The following DPP6 variants were observed in gnomAD, a reference collection of about 807,000 sequenced individuals.
DPP6 encodes the protein dipeptidyl peptidase like 6.
A neutral mutation model predicts 122.6 loss-of-function variants in DPP6; 69 were observed. That is an observed-to-expected ratio of 0.56 (90% CI 0.46 to 0.69). DPP6 has a LOEUF of 0.69. Among genes scored for constraint, DPP6 ranks in the 30% least tolerant of loss-of-function variants. The pLI is 0.00. For synonymous variants in DPP6, 418 were observed against 433.1 expected (o/e 0.97, Z 0.43); for missense variants, 928 against 1,116.9 (o/e 0.83, Z 2.41).
intron 1 of DPP6, among the ~76,000 whole-genome samples, chr7:154,182,150 C>G (rs922063234): frequency 1.3e-5 from 2 of 152,100 alleles, no homozygotes; most frequent in Admixed American, 6.6e-5. Flanking sequence ...GATGAACAAG[C>G]TGAACTTCTC....
chr7:154,393,816 C>G (rs529728817), intron 1 of DPP6, among the ~76,000 whole-genome samples: 5 of 152,226 alleles, frequency 3.3e-5, no homozygotes, highest in African/African-American at 1.2e-4. Flanking sequence ...CTCCCTCCCC[C>G]AATCGCTAGC....
Position 154,577,110 on chromosome 7 carries a change from C to T in DPP6, c.627+10194C>T, listed in dbSNP as rs942115078. 4.0e-5 allele frequency among the ~76,000 whole-genome samples: 6 copies of T among 151,792 alleles called. 1 individual carries two copies. In the East Asian group the frequency reaches 7.8e-4, roughly 20 times the overall value. On this transcript the variant is annotated intron_variant, in intron 5 of 25. Coordinates refer to ENST00000377770, the MANE Select transcript of DPP6 (RefSeq NM_130797.4). ...CAAGGGCTGACAGGTTTGAACAAGG[C>T]GTAGTTTGGGGGAGGATGACCTGGA... is the stretch of plus-strand genomic sequence containing the variant.
intron 1 of DPP6, among the ~76,000 whole-genome samples, chr7:154,234,863 C>CA (rs1284524951): frequency 3.3e-5 from 5 of 152,162 alleles, no homozygotes; most frequent in African/African-American, 1.2e-4. Context: ...CTTCCCACCT[C>CA]ACACAGCCCC....
the DPP6 span, among the ~76,000 whole-genome samples, chr7:153,861,515 G>A: frequency 1.9e-4 from 29 of 152,134 alleles, no homozygotes; most frequent in African/African-American, 7.0e-4. Context: ...AATAGGAGTG[G>A]GAGAACAAAG....
chr7:153,755,544 G>T, the DPP6 span, among the ~76,000 whole-genome samples: 2 of 150,814 alleles, frequency 1.3e-5, no homozygotes, highest in African/African-American at 4.9e-5. Flanking sequence ...CTACTTTAAT[G>T]CTCTCCCTTT....
chr7:154,425,623 T>G (rs866799780), intron 1 of DPP6, among the ~76,000 whole-genome samples: 90 of 116,574 alleles, frequency 7.7e-4, no homozygotes, highest in East Asian at 4.9e-3. Flanking sequence ...TGTGTGTGGG[T>G]GTGTGTGTGT....
chr7:154,673,656 A>T (rs1034703180), intron 7 of DPP6, among the ~76,000 whole-genome samples: 2 of 152,216 alleles, frequency 1.3e-5, no homozygotes, highest in African/African-American at 4.8e-5. Flanking sequence ...TGATCTAGGA[A>T]ATAGACTTGG....
the DPP6 span, among the ~76,000 whole-genome samples, chr7:153,785,370 C>T: frequency 1.3e-5 from 2 of 152,152 alleles, no homozygotes; most frequent in Admixed American, 1.3e-4. Context: ...TTGTCCAGAA[C>T]AGGGTCTGGC....
chr7:154,020,462 AG>A (rs1319320820), intron 1 of DPP6, among the ~76,000 whole-genome samples: 4 of 151,864 alleles, frequency 2.6e-5, no homozygotes, highest in Non-Finnish European at 5.9e-5. Flanking sequence ...GAACATTAAA[AG>A]ATTAGCCTAG....
chr7:154,345,318 C>A (rs976683871), intron 1 of DPP6, among the ~76,000 whole-genome samples: 1 of 152,174 alleles, frequency 6.6e-6, no homozygotes, highest in Non-Finnish European at 1.5e-5. Flanking sequence ...CCACCTGATA[C>A]CATCCCACTA....
At position 154,823,911 on chromosome 7, in the gene DPP6, C is replaced by T. The variant is rs547057954; in HGVS notation, c.1666+16799C>T. Among the ~76,000 whole-genome samples, 18 of 152,242 alleles carry T rather than the reference C, an allele frequency of 1.2e-4. No homozygotes were observed. The East Asian group carries it at 1.4e-3, about 11-fold the overall frequency. ...GGTGCTGATGGTAATAATAAAAAACCGAATGCATGGAGAGATACTGAAGTG... is the reference window on the plus strand; with the variant it reads ...GGTGCTGATGGTAATAATAAAAAACTGAATGCATGGAGAGATACTGAAGTG... On this transcript the variant is annotated intron_variant, in intron 16 of 25. Transcript: ENST00000377770.
intron 5 of DPP6, among the ~76,000 whole-genome samples, chr7:154,627,383 A>G (rs1835153448): frequency 6.6e-6 from 1 of 151,052 alleles, no homozygotes; most frequent in Non-Finnish European, 1.5e-5. Context: ...TATTTTTAGT[A>G]GAGACGGGGT....
intron 1 of DPP6, among the ~76,000 whole-genome samples, chr7:154,201,838 A>C (rs7778405): frequency 0.023 from 3,471 of 152,330 alleles, 134 homozygotes; most frequent in African/African-American, 0.078. Flanking sequence ...CATGTCCTGA[A>C]ACCATCACTT....
At chr7:154,064,925 A>T (rs1464785113) in intron 1 of DPP6, among the ~76,000 whole-genome samples, 1 of 152,146 alleles carries the variant, frequency 6.6e-6, no homozygotes, top group Non-Finnish European at 1.5e-5. Context: ...CATTAGGACA[A>T]AGTGGTTCTG....
At chr7:154,557,102 G>A (rs1464390340) in intron 4 of DPP6, among the ~76,000 whole-genome samples, 4 of 152,248 alleles carry the variant, frequency 2.6e-5, no homozygotes, top group African/African-American at 4.8e-5. Flanking sequence ...CGACCAAGAC[G>A]GGAAGTTTGT....
intron 1 of DPP6, among the ~76,000 whole-genome samples, chr7:153,987,142 AC>A (rs1796886503): frequency 6.6e-6 from 1 of 152,184 alleles, no homozygotes; most frequent in South Asian, 2.1e-4. Flanking sequence ...AAGATTTTAC[AC>A]CCCTGAGTTT....
intron 16 of DPP6, among the ~76,000 whole-genome samples, chr7:154,829,219 C>A (rs1440959770): frequency 2.0e-5 from 3 of 150,818 alleles, no homozygotes; most frequent in African/African-American, 7.3e-5. Flanking sequence ...CATGTCTCTA[C>A]AAAAAATACA....
At chr7:153,927,793 T>C (rs1414181678) in intron 1 of DPP6, among the ~76,000 whole-genome samples, 1 of 152,162 alleles carries the variant, frequency 6.6e-6, no homozygotes, top group Non-Finnish European at 1.5e-5. Flanking sequence ...CGATGGGGGC[T>C]CCTGGAGGGT....
At chr7:154,458,762 A>C (rs1048804102) in intron 2 of DPP6, among the ~76,000 whole-genome samples, 1 of 152,204 alleles carries the variant, frequency 6.6e-6, no homozygotes, top group Admixed American at 6.5e-5. Flanking sequence ...CTTAGAAGCC[A>C]TGTGCCAGCC....
Sources: allele counts gnomAD v4.1 joint callset (sites outside exome capture counted in the v4.1 genomes callset), GRCh38; gene constraint gnomAD v4.1.1; transcripts MANE v1.5; gene names NCBI Gene and HGNC (gene_info 2026-07-23, HGNC 2026-07-21).